Variants in NEDD4L observed in about 807,000 individuals in gnomAD.
NEDD4L encodes NEDD4 like E3 ubiquitin protein ligase.
NEDD4L carries 54 observed loss-of-function variants against 148.9 expected under a neutral mutation model. The observed-to-expected ratio is 0.36, with a 90% CI of 0.29 to 0.45. NEDD4L has a LOEUF of 0.45. Ranked by LOEUF, NEDD4L falls within the 20% of genes least tolerant of loss-of-function variation. NEDD4L has a pLI of 1.00. For synonymous variants in NEDD4L, 433 were observed against 440.7 expected, an observed-to-expected ratio of 0.98 and a Z score of 0.22; for missense variants, 856 against 1,233.8, an observed-to-expected ratio of 0.69 and a Z score of 4.59.
chr18:58,045,369 C>T (rs931769328), intron 1 of NEDD4L: 1 of 382,400 alleles, frequency 2.6e-6, no homozygotes, highest in African/African-American at 2.1e-5. Context: ...GCAGCCCTGC[C>T]ATTTTTTCCT....
intron 1 of NEDD4L, among the ~76,000 whole-genome samples, chr18:58,126,586 C>A (rs564705752): frequency 1.1e-3 from 168 of 152,266 alleles, no homozygotes; most frequent in African/African-American, 3.6e-3. Context: ...AATGATGCTG[C>A]CATGAACACT....
intron 1 of NEDD4L, among the ~76,000 whole-genome samples, chr18:58,130,165 G>GTTGA (rs1338452328): frequency 8.8e-5 from 13 of 148,024 alleles, no homozygotes; most frequent in East Asian, 2.1e-4. Flanking sequence ...TTGGAATTTG[G>GTTGA]CTGTGATCTA....
intron 10 of NEDD4L, among the ~76,000 whole-genome samples, chr18:58,329,603 C>G (rs2059625903): frequency 1.3e-5 from 2 of 151,926 alleles, no homozygotes; most frequent in South Asian, 4.2e-4. Flanking sequence ...GATCCGCCTG[C>G]TGCCTCAGCC....
intron 15 of NEDD4L, among the ~76,000 whole-genome samples, chr18:58,342,307 T>G (rs2042537452): frequency 6.6e-6 from 1 of 152,178 alleles, no homozygotes; most frequent in Admixed American, 6.5e-5. Flanking sequence ...TTGTGTTGTT[T>G]TGGTGCCATC....
intron 2 of NEDD4L, among the ~76,000 whole-genome samples, chr18:58,168,908 G>A (rs907687452): frequency 1.3e-5 from 2 of 152,226 alleles, no homozygotes; most frequent in African/African-American, 4.8e-5. Flanking sequence ...GGTTGGGAAG[G>A]GGTCGGTGGT....
intron 1 of NEDD4L, among the ~76,000 whole-genome samples, chr18:58,052,139 C>T (rs2081902176): frequency 6.6e-6 from 1 of 152,150 alleles, no homozygotes; most frequent in Non-Finnish European, 1.5e-5. Flanking sequence ...AGTCCTAGTT[C>T]TGCTGTGTGG....
chr18:58,183,586 G>C (rs1458690243), intron 2 of NEDD4L, among the ~76,000 whole-genome samples: 1 of 152,196 alleles, frequency 6.6e-6, no homozygotes, highest in East Asian at 1.9e-4. Context: ...CTTGGAGATA[G>C]CTTTTCATGT....
At chr18:58,257,069 C>T (rs1391597026) in intron 5 of NEDD4L, among the ~76,000 whole-genome samples, 1 of 152,074 alleles carries the variant, frequency 6.6e-6, no homozygotes, top group Non-Finnish European at 1.5e-5. Context: ...AGAAGAATTT[C>T]GAATAAAATT....
At chr18:58,210,808 ATTAT>A (rs569125664) in intron 2 of NEDD4L, among the ~76,000 whole-genome samples, 3 of 152,246 alleles carry the variant, frequency 2.0e-5, no homozygotes, top group African/African-American at 4.8e-5. Flanking sequence ...AAAGATCAAT[ATTAT>A]TTATGAAAGT....
intron 1 of NEDD4L, among the ~76,000 whole-genome samples, chr18:58,125,679 A>G (rs2030950841): frequency 6.6e-6 from 1 of 152,162 alleles, no homozygotes; most frequent in African/African-American, 2.4e-5. Flanking sequence ...CCAGCCACCT[A>G]TGTACGGTAA....
At chr18:58,164,104 C>T (rs1390625942) in intron 1 of NEDD4L, among the ~76,000 whole-genome samples, 3 of 151,498 alleles carry the variant, frequency 2.0e-5, no homozygotes, top group Non-Finnish European at 4.4e-5. Flanking sequence ...GAGTTCCAGC[C>T]ACTGGATTCT....
At position 58,149,323 on chromosome 18, in the gene NEDD4L, C is replaced by T. The variant is rs928565747; in HGVS notation, c.49-16465C>T. On this transcript the variant is annotated intron_variant, in intron 1 of 30. Transcript: ENST00000400345. ...CACCTGTGATTTGATGTGAGCCAGT[C>T]ACAGAGGAAGCCATTTCCAGAGAGG... 5.4e-6 allele frequency: 7 copies of T among 1,299,716 alleles called. No homozygotes were observed. In the African/African-American group the frequency reaches 9.0e-5, roughly 17 times the overall value. 80.5% of individuals were successfully genotyped at this position (1,299,716 alleles called of 1,614,324 possible).
At chr18:58,356,411 C>T (rs1466442255) in intron 18 of NEDD4L, among the ~76,000 whole-genome samples, 2 of 152,014 alleles carry the variant, frequency 1.3e-5, no homozygotes, top group African/African-American at 4.8e-5. Flanking sequence ...TCTCCCTCCA[C>T]TCCACCCTAG....
At chr18:58,224,926 A>C (rs2044186075) in intron 2 of NEDD4L, among the ~76,000 whole-genome samples, 1 of 152,190 alleles carries the variant, frequency 6.6e-6, no homozygotes, top group Non-Finnish European at 1.5e-5. Flanking sequence ...CTGAATGAGG[A>C]TGGTGATCAG....
chr18:58,205,916 C>A (rs923811660), intron 2 of NEDD4L, among the ~76,000 whole-genome samples: 1 of 152,144 alleles, frequency 6.6e-6, no homozygotes, highest in Non-Finnish European at 1.5e-5. Context: ...GCCTCAGAAT[C>A]CTAGTGTCCT....
intron 1 of NEDD4L, among the ~76,000 whole-genome samples, chr18:58,114,845 G>T (rs567751490): frequency 1.3e-5 from 2 of 152,306 alleles, no homozygotes; most frequent in South Asian, 2.1e-4. Flanking sequence ...CAGCAGAGTA[G>T]CATCTCTGTG....
At chr18:58,070,148 G>A (rs2082792593) in intron 1 of NEDD4L, among the ~76,000 whole-genome samples, 1 of 152,186 alleles carries the variant, frequency 6.6e-6, no homozygotes, top group Non-Finnish European at 1.5e-5. Flanking sequence ...AGCTCTACCT[G>A]CTGAGCATTT....
intron 5 of NEDD4L, among the ~76,000 whole-genome samples, chr18:58,285,638 C>T (rs1301804115): frequency 6.6e-6 from 1 of 152,228 alleles, no homozygotes; most frequent in Non-Finnish European, 1.5e-5. Context: ...ATAATCAAGG[C>T]AGCTTGAAAC....
At chr18:58,166,371 T>A (rs545780929) in intron 2 of NEDD4L, among the ~76,000 whole-genome samples, 2 of 152,338 alleles carry the variant, frequency 1.3e-5, no homozygotes, top group African/African-American at 4.8e-5. Flanking sequence ...TCAGCTTTTT[T>A]ATTTTCAGTA....
Sources: allele counts gnomAD v4.1 joint callset (sites outside exome capture counted in the v4.1 genomes callset), GRCh38; gene constraint gnomAD v4.1.1; transcripts MANE v1.5; gene names NCBI Gene and HGNC (gene_info 2026-07-23, HGNC 2026-07-21).